Variants in ARHGEF12 observed in about 807,000 individuals in gnomAD.
The protein encoded by ARHGEF12 is KMT2A/ARHGEF12 fusion protein.
A neutral mutation model predicts 211.2 loss-of-function variants in ARHGEF12; 66 were observed. That is an observed-to-expected ratio of 0.31 (90% CI 0.26 to 0.38). ARHGEF12 has a LOEUF of 0.38. Ranked by LOEUF, ARHGEF12 falls within the 10% of genes least tolerant of loss-of-function variation. The pLI is 1.00. For synonymous variants in ARHGEF12, 592 were observed against 638.4 expected (o/e 0.93, Z 1.09); for missense variants, 1,429 against 1,869.5 (o/e 0.76, Z 4.34).
chr11:120,399,618 G>T (rs551757767), intron 1 of ARHGEF12, among the ~76,000 whole-genome samples: 1 of 152,126 alleles, frequency 6.6e-6, no homozygotes, highest in East Asian at 1.9e-4. Context: ...TATAGTTTTG[G>T]TTGTTTTCCC....
At position 120,422,859 on chromosome 11, in the gene ARHGEF12, G is replaced by A. The variant is rs185015488; in HGVS notation, c.348+1007G>A. 8.5e-5 allele frequency among the ~76,000 whole-genome samples: 13 copies of A among 152,274 alleles called. No homozygotes were observed. In the East Asian group the frequency reaches 2.5e-3, roughly 29 times the overall value. The stretch of plus-strand genomic sequence containing the variant: ...ACCTACCAGTGGAACACAACAGAGA[G>A]ACTAGAAATAGATTTTGAATTCAGA... On this transcript the variant is annotated intron_variant, in intron 6 of 40. Transcript: ENST00000397843.
intron 1 of ARHGEF12, among the ~76,000 whole-genome samples, chr11:120,372,068 G>A (rs1167116625): frequency 6.6e-6 from 1 of 152,190 alleles, no homozygotes; most frequent in Non-Finnish European, 1.5e-5. Flanking sequence ...TTATAACCTA[G>A]AGCAGTGATG....
At chr11:120,357,686 C>T (rs183386534) in intron 1 of ARHGEF12, among the ~76,000 whole-genome samples, 2 of 152,246 alleles carry the variant, frequency 1.3e-5, no homozygotes, top group Non-Finnish European at 2.9e-5. Flanking sequence ...TCTTGTGCCT[C>T]GGCCTCCCAA....
chr11:120,446,822 C>T, intron 17 of ARHGEF12, 126 bp from the exon 18 acceptor site: 1 of 1,173,406 alleles, frequency 8.5e-7, no homozygotes, highest in Non-Finnish European at 1.2e-6. Context: ...GACATGGACC[C>T]ATAAGTGGAA....
chr11:120,432,137 A>G (rs913821550), intron 11 of ARHGEF12, among the ~76,000 whole-genome samples: 3 of 152,174 alleles, frequency 2.0e-5, no homozygotes, highest in Non-Finnish European at 4.4e-5. Context: ...TGTTTCTTTT[A>G]CAGGGATGGA....
intron 11 of ARHGEF12, 129 bp from the exon 12 acceptor site, chr11:120,437,179 T>A (rs1945718165): frequency 1.8e-6 from 1 of 562,986 alleles, no homozygotes; most frequent in Non-Finnish European, 3.0e-6. Context: ...CCAAGCATTT[T>A]ACGAAAGATA....
chr11:120,380,890 T>C (rs1363829676), intron 1 of ARHGEF12, among the ~76,000 whole-genome samples: 1 of 152,244 alleles, frequency 6.6e-6, no homozygotes, highest in African/African-American at 2.4e-5. Flanking sequence ...AGGTTTCTTT[T>C]CTTTTGCTTA....
rs1945548003 is a variant in ARHGEF12, at chr11:120,431,806, G to GGAC, written c.820_822dup (p.Asp274dup). 6.2e-7 allele frequency: 1 copy of GGAC among 1,613,494 alleles called. No homozygotes were observed. The highest frequency in any genetic ancestry group is 2.2e-5 in the East Asian group (1 of 44,858). ...TAGTTACACCCTCCAGACCTTTAGG[G>GGAC]GACACCCTAACAGTCAGTGAGGCAG... is the stretch of plus-strand genomic sequence containing the variant. On this transcript the variant is annotated inframe_insertion, in exon 11 of 41. Transcript: ENST00000397843.
At chr11:120,415,165 T>G (rs1441678370) in intron 4 of ARHGEF12, among the ~76,000 whole-genome samples, 16 of 152,170 alleles carry the variant, frequency 1.1e-4, no homozygotes, top group Admixed American at 1.0e-3. Flanking sequence ...TGATGAAAGC[T>G]GGTTTTTGGG....
At chr11:120,404,343 C>T (rs943260424) in intron 1 of ARHGEF12, among the ~76,000 whole-genome samples, 1 of 152,140 alleles carries the variant, frequency 6.6e-6, no homozygotes, top group Non-Finnish European at 1.5e-5. Context: ...GACATTGTTA[C>T]TTATGCATAT....
At position 120,488,851 on chromosome 11, in the gene ARHGEF12, C is replaced by T. The variant is rs528650193; in HGVS notation, c.*3774C>T. 4.1e-4 allele frequency: 87 copies of T among 212,208 alleles called. No homozygotes were observed. The highest frequency in any genetic ancestry group is 1.7e-3 in the African/African-American group (77 of 44,238). The allele number at this position is 212,208 out of a possible 1,614,324, so 13.1% of individuals were successfully genotyped here. On this transcript the variant is annotated 3_prime_UTR_variant, in exon 41 of 41. Coordinates refer to ENST00000397843, the MANE Select transcript of ARHGEF12 (RefSeq NM_015313.3). ...TTTTTACTGATCACATTTTGAAATGCCTAAAAGACTTTATTGTTCTAATTA... is the reference window on the plus strand; with the variant it reads ...TTTTTACTGATCACATTTTGAAATGTCTAAAAGACTTTATTGTTCTAATTA...
intron 21 of ARHGEF12, 168 bp downstream of exon 21, chr11:120,449,382 CT>C (rs1206921562): frequency 1.7e-6 from 1 of 587,654 alleles, no homozygotes. Flanking sequence ...TAAGTACCCC[CT>C]ATGTTGCTAC....
chr11:120,411,710 C>G (rs117829742), intron 4 of ARHGEF12: 4 of 146,384 alleles, frequency 2.7e-5, no homozygotes, highest in Non-Finnish European at 5.9e-5. Flanking sequence ...CTACCTAAGA[C>G]TCCAAAGTAG....
rs1427256538 is a variant in ARHGEF12, at chr11:120,438,048, G to A, written c.999+666G>A. On this transcript the variant is annotated intron_variant, in intron 12 of 40. Transcript: ENST00000397843. Reference sequence around the variant, plus strand: ...GCTGCCTTGCCTTCAGTTTTTGTGGGTGTTCATCAAGAAGAAGAATTGTTT... The same window carrying A: ...GCTGCCTTGCCTTCAGTTTTTGTGGATGTTCATCAAGAAGAAGAATTGTTT... 3.3e-5 allele frequency among the ~76,000 whole-genome samples: 5 copies of A among 152,224 alleles called. No individual in the cohort carries two copies. The East Asian group carries it at 5.8e-4, about 18-fold the overall frequency.
intron 11 of ARHGEF12, among the ~76,000 whole-genome samples, chr11:120,434,899 T>TTG (rs1259578474): frequency 6.6e-6 from 1 of 152,180 alleles, no homozygotes; most frequent in Non-Finnish European, 1.5e-5. Context: ...CTCAGCAGTT[T>TTG]TGTTTGTACC....
chr11:120,452,483 G>A (rs1456434356), intron 22 of ARHGEF12, among the ~76,000 whole-genome samples: 2 of 152,130 alleles, frequency 1.3e-5, no homozygotes, highest in Non-Finnish European at 2.9e-5. Context: ...GTGCCATAGA[G>A]GAGGCTACTA....
chr11:120,368,343 A>G (rs1208890300), intron 1 of ARHGEF12, among the ~76,000 whole-genome samples: 1 of 152,152 alleles, frequency 6.6e-6, no homozygotes, highest in East Asian at 1.9e-4. Flanking sequence ...GGGTCTCCCT[A>G]TGTTGCCGAG....
At chr11:120,416,750 A>G (rs1039664063) in intron 4 of ARHGEF12, among the ~76,000 whole-genome samples, 1 of 152,070 alleles carries the variant, frequency 6.6e-6, no homozygotes. Context: ...TCCTGGGTTC[A>G]AGCGATTCTC....
chr11:120,424,756 A>G (rs76362207), intron 7 of ARHGEF12, among the ~76,000 whole-genome samples: 1 of 152,212 alleles, frequency 6.6e-6, no homozygotes, highest in Non-Finnish European at 1.5e-5. Flanking sequence ...GTTGATTATA[A>G]TATTCCTGTC....
Sources: gnomAD v4.1 joint callset for allele counts (sites outside exome capture counted in the v4.1 genomes callset) on GRCh38, gnomAD v4.1.1 for gene constraint, MANE v1.5 for transcripts, NCBI Gene and HGNC (gene_info 2026-07-23, HGNC 2026-07-21) for gene names.